The following SLC16A4 variants were observed in gnomAD, a reference collection of about 807,000 sequenced individuals.
SLC16A4 encodes probable monocarboxylate transporter 5.
A neutral mutation model predicts 47.9 loss-of-function variants in SLC16A4; 39 were observed. The ratio of observed to expected loss-of-function variants is 0.81; its 90% CI spans 0.63 to 1.06. The LOEUF (loss-of-function observed/expected upper bound fraction) is 1.06, where lower values mean the gene tolerates loss of function less well. SLC16A4 is among the 50% of genes least tolerant of loss of function. The pLI is 0.00. For synonymous variants in SLC16A4, 189 were observed against 199.9 expected (o/e 0.95, Z 0.46); for missense variants, 524 against 573.8 (o/e 0.91, Z 0.89).
intron 8 of SLC16A4, among the ~76,000 whole-genome samples, chr1:110,374,019 T>C (rs1257828250): frequency 8.9e-6 from 1 of 112,494 alleles, no homozygotes; most frequent in Non-Finnish European, 2.1e-5. Context: ...ATAGTCTCCT[T>C]CTTTTAATAT....
chr1:110,363,965 C>G, intron 8 of SLC16A4, 72 bp from the exon 9 acceptor site: 1 of 1,518,074 alleles, frequency 6.6e-7, no homozygotes, highest in Non-Finnish European at 8.8e-7. Flanking sequence ...TGAATAGCTC[C>G]TCAAAGCAAG....
Position 110,389,329 on chromosome 1 carries a change from C to T in SLC16A4, c.-6G>A. ...TTCCCCTCCCTCTTCAGCATGATGC[C>T]TCTTCTATTTTAAATGCAGAAGATC... On this transcript the variant is annotated 5_prime_UTR_variant, in exon 2 of 9. Transcript: ENST00000369779. 1 of 1,601,540 alleles carries T rather than the reference C, an allele frequency of 6.2e-7. No homozygotes were observed. The highest frequency in any genetic ancestry group is 8.6e-7 in the Non-Finnish European group (1 of 1,168,618).
intron 3 of SLC16A4, among the ~76,000 whole-genome samples, chr1:110,382,614 T>C (rs1662468586): frequency 6.6e-6 from 1 of 152,232 alleles, no homozygotes; most frequent in African/African-American, 2.4e-5. Flanking sequence ...TGGCATTTAA[T>C]AATTCCTCAG....
chr1:110,381,080 C>A lies in SLC16A4; in HGVS notation c.428G>T (p.Arg143Leu). The A allele has an allele frequency of 6.2e-7, 1 of 1,614,026 alleles. No homozygotes were observed. The highest frequency in any genetic ancestry group is 8.5e-7 in the Non-Finnish European group (1 of 1,179,930). ...GGCAATAGCTGTAGAAAGAGCCAAT[C>A]GTTTTTTGAAGTATTTGGTAGTTAC... ...AVVTTKYFKKRLALSTAIARS... is the reference protein window; with the variant it reads ...AVVTTKYFKKLLALSTAIARS... The change falls in exon 5 of 9, where the codon CGA becomes CTA. Residue 143 changes from arginine to leucine, a missense_variant. By Grantham distance (102) the Arg-to-Leu change is moderately radical (BLOSUM62 -2). Transcript: ENST00000369779.
intron 3 of SLC16A4, 33 bp from the exon 4 acceptor site, chr1:110,381,828 AAAT>A (rs773732717): frequency 6.3e-6 from 10 of 1,596,414 alleles, no homozygotes; most frequent in Admixed American, 1.8e-5. Flanking sequence ...ATTCTTAGGT[AAAT>A]AATGATCTGG....
intron 8 of SLC16A4, among the ~76,000 whole-genome samples, chr1:110,368,974 A>C (rs547139448): frequency 2.2e-5 from 3 of 138,148 alleles, no homozygotes; most frequent in African/African-American, 8.1e-5. Context: ...TTTTTTTTTG[A>C]GATGGAGTCT....
Position 110,374,505 on chromosome 1 carries a change from A to G in SLC16A4, c.1336+953T>C, listed in dbSNP as rs182268254. Reference sequence around the variant, plus strand: ...CTTTATGTGGATGATTAGAAATGTCATAGTAATTTGTACACTGAAATACAT... The same window carrying G: ...CTTTATGTGGATGATTAGAAATGTCGTAGTAATTTGTACACTGAAATACAT... On this transcript the variant is annotated intron_variant, in intron 8 of 8. Transcript: ENST00000369779. Among the ~76,000 whole-genome samples, 36 of 152,394 alleles carry G rather than the reference A, an allele frequency of 2.4e-4. No homozygotes were observed. In the East Asian group the frequency reaches 6.0e-3, roughly 25 times the overall value.
intron 8 of SLC16A4, among the ~76,000 whole-genome samples, chr1:110,365,253 T>TCTTA (rs1239757982): frequency 1.3e-5 from 2 of 152,006 alleles, no homozygotes; most frequent in Admixed American, 1.3e-4. Context: ...TTCCCTTCTA[T>TCTTA]CTTAGATCAT....
intron 2 of SLC16A4, among the ~76,000 whole-genome samples, chr1:110,388,234 G>T (rs902789213): frequency 6.6e-6 from 1 of 152,156 alleles, no homozygotes; most frequent in Admixed American, 6.5e-5. Flanking sequence ...TCTGGAATGG[G>T]CATGCTGATG....
At chr1:110,372,095 A>G (rs1661715896) in intron 8 of SLC16A4, 1 of 152,204 alleles carries the variant, frequency 6.6e-6, no homozygotes, top group South Asian at 2.1e-4. Context: ...TTATTAAAAT[A>G]TGTTGCATAG....
intron 8 of SLC16A4, among the ~76,000 whole-genome samples, chr1:110,364,451 T>C (rs1661258010): frequency 6.6e-6 from 1 of 151,528 alleles, no homozygotes; most frequent in South Asian, 2.1e-4. Flanking sequence ...ACTGACTGCT[T>C]GATCACGTGG....
intron 2 of SLC16A4, among the ~76,000 whole-genome samples, chr1:110,388,960 T>TA (rs1335677187): frequency 6.6e-6 from 1 of 152,242 alleles, no homozygotes; most frequent in East Asian, 1.9e-4. Flanking sequence ...TCCACACACC[T>TA]AGGCCTCCCA....
At position 110,380,058 on chromosome 1, in the gene SLC16A4, CAA is replaced by C. The variant is rs542273389; in HGVS notation, c.527-704_527-703del. On this transcript the variant is annotated intron_variant, in intron 5 of 8. Transcript: ENST00000369779. ...AATGACAAAGCGAGAGAGCCTGTCT[CAA>C]AAAAAAAAAAAAAGCAGCGGGAGGG... Among the ~76,000 whole-genome samples the C allele has an allele frequency of 1.6e-4, 15 of 96,222 alleles. 1 individual carries two copies. Among genetic ancestry groups the C allele is most frequent in the South Asian group, 1.1e-3 (3 of 2,642 alleles). The allele number at this position is 96,222 out of a possible 152,430, so 63.1% of individuals were successfully genotyped here.
At chr1:110,365,006 C>A (rs1025402428) in intron 8 of SLC16A4, among the ~76,000 whole-genome samples, 2 of 151,664 alleles carry the variant, frequency 1.3e-5, no homozygotes, top group Non-Finnish European at 2.9e-5. Flanking sequence ...TTAGTATTAT[C>A]ATGACAATAA....
At position 110,363,155 on chromosome 1, in the gene SLC16A4, A is replaced by G. The variant is rs1424348412; in HGVS notation, c.*611T>C. 4 of 152,224 alleles carry G rather than the reference A, an allele frequency of 2.6e-5. No individual in the cohort carries two copies. Among genetic ancestry groups the G allele is most frequent in the African/African-American group, 4.8e-5 (2 of 41,452 alleles). 9.4% of individuals were successfully genotyped at this position (152,224 alleles called of 1,614,324 possible). ...CTTTACATATTTTAGTGACTGAATT[A>G]CCATGGCGTAATTGAGAGTTTGGAT... On this transcript the variant is annotated 3_prime_UTR_variant, in exon 9 of 9. Transcript: ENST00000369779.
In SLC16A4 at chr1:110,379,336, C is replaced by A. The variant is rs1662220714; in HGVS notation, c.547G>T (p.Ala183Ser). ...GAAGGCACCAAATTCAATGCGATAG[C>A]TCCAAATAATATAAGGGCTCCTAAA... ...DWTGALILFG[A>S]IALNLVPSSM... Residue 183 changes from alanine (A) to serine (S), a missense_variant, in exon 6 of 9, where the codon GCT becomes TCT. By Grantham distance (99) the Ala-to-Ser change is moderately conservative. Transcript: ENST00000369779. 6.2e-7 allele frequency: 1 copy of A among 1,601,466 alleles called. No individual in the cohort carries two copies.
chr1:110,367,842 T>G (rs1027448655), intron 8 of SLC16A4, among the ~76,000 whole-genome samples: 3 of 152,184 alleles, frequency 2.0e-5, no homozygotes, highest in East Asian at 1.9e-4. Context: ...AATTTTTGTT[T>G]TTTTTGAGAG....
intron 1 of SLC16A4, among the ~76,000 whole-genome samples, chr1:110,389,929 A>G (rs1264200513): frequency 6.6e-6 from 1 of 152,148 alleles, no homozygotes; most frequent in Non-Finnish European, 1.5e-5. Context: ...AAAACTCCCT[A>G]TTGGATGCTG....
At chr1:110,365,114 A>G (rs1661309161) in intron 8 of SLC16A4, among the ~76,000 whole-genome samples, 2 of 152,052 alleles carry the variant, frequency 1.3e-5, no homozygotes, top group South Asian at 4.1e-4. Flanking sequence ...TATGTATATT[A>G]TATCTGATCA....
Sources: gnomAD v4.1 joint callset for allele counts (sites outside exome capture counted in the v4.1 genomes callset) on GRCh38, gnomAD v4.1.1 for gene constraint, MANE v1.5 for transcripts, NCBI Gene and HGNC (gene_info 2026-07-23, HGNC 2026-07-21) for gene names.